METTL8: variants seen among roughly 807,000 people sequenced by gnomAD.
METTL8 encodes the protein methyltransferase 8, tRNA N3-cytidine.
A neutral mutation model predicts 48.7 loss-of-function variants in METTL8; 32 were observed. The ratio of observed to expected loss-of-function variants is 0.66; its 90% CI spans 0.50 to 0.88. The LOEUF (loss-of-function observed/expected upper bound fraction) is 0.88, where lower values mean the gene tolerates loss of function less well. Ranked by LOEUF, METTL8 falls within the 40% of genes least tolerant of loss-of-function variation. The pLI is 0.00. For synonymous variants in METTL8, 136 were observed against 157.1 expected (o/e 0.87, Z 1.01); for missense variants, 464 against 474.4 (o/e 0.98, Z 0.20).
At chr2:171,377,259 G>A (rs181985056) in intron 2 of METTL8, among the ~76,000 whole-genome samples, 250 of 151,830 alleles carry the variant, frequency 1.6e-3, no homozygotes, top group East Asian at 5.6e-3. Context: ...AGATAACATC[G>A]GAAAAACTCT....
chr2:171,351,136 T>C (rs1391686417), intron 3 of METTL8, among the ~76,000 whole-genome samples: 1 of 152,246 alleles, frequency 6.6e-6, no homozygotes. Context: ...GAATTAATTT[T>C]TGTATAAGGT....
intron 3 of METTL8, among the ~76,000 whole-genome samples, chr2:171,354,329 CTG>C (rs879429705): frequency 2.0e-5 from 3 of 152,218 alleles, no homozygotes; most frequent in Non-Finnish European, 4.4e-5. Flanking sequence ...GAGAGATCCG[CTG>C]TTAGTCTGAT....
At chr2:171,348,440 G>C (rs1157624774) in intron 3 of METTL8, among the ~76,000 whole-genome samples, 3 of 152,168 alleles carry the variant, frequency 2.0e-5, no homozygotes, top group Non-Finnish European at 4.4e-5. Flanking sequence ...AAAACAGGCA[G>C]CAGGCTGGAT....
At chr2:171,360,390 G>A in intron 3 of METTL8, 32 bp downstream of exon 3, 1 of 1,583,656 alleles carries the variant, frequency 6.3e-7, no homozygotes, top group African/African-American at 1.3e-5. Flanking sequence ...CTAAAGCTCT[G>A]GCTCTAGGAG....
chr2:171,343,208 G>A (rs780928735), intron 3 of METTL8, among the ~76,000 whole-genome samples: 4 of 152,158 alleles, frequency 2.6e-5, no homozygotes, highest in Non-Finnish European at 5.9e-5. Context: ...GGGAGGCCAG[G>A]GAGGGCAGAT....
At chr2:171,355,323 T>C (rs1197238253) in intron 3 of METTL8, among the ~76,000 whole-genome samples, 3 of 152,210 alleles carry the variant, frequency 2.0e-5, no homozygotes, top group Non-Finnish European at 4.4e-5. Context: ...TGATCGTTCC[T>C]CTGGAAGCTT....
At position 171,322,748 on chromosome 2, in the gene METTL8, A is replaced by G. The variant is rs1684593303; in HGVS notation, c.*1424T>C. On this transcript the variant is annotated 3_prime_UTR_variant, in exon 10 of 10. Transcript: ENST00000375258. ...GCCAGAGCAAGACTCCATCTCAAAA[A>G]AAAAAAAAAAAAAAAAGTAAAACAT... 6.8e-6 allele frequency: 1 copy of G among 147,368 alleles called. No individual in the cohort carries two copies. Among genetic ancestry groups the G allele is most frequent in the Non-Finnish European group, 1.5e-5 (1 of 66,690 alleles). The allele number at this position is 147,368 out of a possible 1,614,324, so 9.1% of individuals were successfully genotyped here.
chr2:171,414,278 G>T (rs1691055531), intron 1 of METTL8, among the ~76,000 whole-genome samples: 2 of 152,100 alleles, frequency 1.3e-5, no homozygotes, highest in South Asian at 4.1e-4. Flanking sequence ...TTAGCTGGGT[G>T]TGGTGGTACA....
chr2:171,340,791 G>A (rs1385048977), intron 3 of METTL8, among the ~76,000 whole-genome samples: 1 of 152,086 alleles, frequency 6.6e-6, no homozygotes, highest in Admixed American at 6.6e-5. Flanking sequence ...CCATCACAGT[G>A]AATCCATGGC....
At chr2:171,338,196 A>G (rs1448365232) in intron 4 of METTL8, among the ~76,000 whole-genome samples, 2 of 152,248 alleles carry the variant, frequency 1.3e-5, no homozygotes, top group Non-Finnish European at 2.9e-5. Flanking sequence ...GTGAAAATAG[A>G]TAAGTAAAAT....
chr2:171,336,911 C>T (rs1030629390), intron 5 of METTL8, among the ~76,000 whole-genome samples: 3 of 134,460 alleles, frequency 2.2e-5, no homozygotes, highest in African/African-American at 8.6e-5. Context: ...CACTTGTTGC[C>T]TAGACTGGAG....
At chr2:171,408,005 TGA>T (rs1450879202) in intron 1 of METTL8, among the ~76,000 whole-genome samples, 3 of 152,232 alleles carry the variant, frequency 2.0e-5, no homozygotes, top group African/African-American at 7.2e-5. Flanking sequence ...TTCTTTATAA[TGA>T]GAGTTGCAAT....
intron 2 of METTL8, among the ~76,000 whole-genome samples, chr2:171,391,709 A>C (rs1688595663): frequency 1.3e-5 from 2 of 152,164 alleles, no homozygotes; most frequent in African/African-American, 2.4e-5. Flanking sequence ...AGAGGGAAGG[A>C]ACTGTGGAGC....
chr2:171,398,399 A>G (rs963759852), intron 1 of METTL8, among the ~76,000 whole-genome samples: 1 of 152,204 alleles, frequency 6.6e-6, no homozygotes, highest in Non-Finnish European at 1.5e-5. Context: ...GAAATAAGCT[A>G]GTCATAAAAG....
At chr2:171,403,240 C>A (rs1370270388) in intron 1 of METTL8, among the ~76,000 whole-genome samples, 1 of 152,094 alleles carries the variant, frequency 6.6e-6, no homozygotes, top group African/African-American at 2.4e-5. Flanking sequence ...GCCAGGTGAT[C>A]AAGGTTAACA....
intron 1 of METTL8, among the ~76,000 whole-genome samples, chr2:171,400,359 A>T (rs2105590452): frequency 6.6e-6 from 1 of 152,288 alleles, no homozygotes; most frequent in East Asian, 1.9e-4. Flanking sequence ...TGTACACCAC[A>T]TATACAAGAA....
At chr2:171,409,465 T>C (rs1165648115) in intron 1 of METTL8, among the ~76,000 whole-genome samples, 2 of 152,028 alleles carry the variant, frequency 1.3e-5, no homozygotes, top group Admixed American at 6.6e-5. Context: ...ACTGAGGCAG[T>C]CAGTTAGGAC....
chr2:171,371,751 C>A (rs1686366845), intron 2 of METTL8, among the ~76,000 whole-genome samples: 5 of 152,038 alleles, frequency 3.3e-5, no homozygotes, highest in Admixed American at 2.0e-4. Context: ...TCGGCCTCAG[C>A]CTCCTGAGTA....
At position 171,348,197 on chromosome 2, in the gene METTL8, G is replaced by A. The variant is rs181767161; in HGVS notation, c.236-8643C>T. Among the ~76,000 whole-genome samples the A allele has an allele frequency of 5.9e-3, 896 of 152,296 alleles. 5 individuals carry two copies. Among genetic ancestry groups the A allele is most frequent in the Non-Finnish European group, 7.8e-3 (533 of 68,024 alleles). On this transcript the variant is annotated intron_variant, in intron 3 of 9. Transcript: ENST00000375258. ...TTATACTTGGTTTACACAGAGGAATGCTAACATCTTTCCCTGGGGAGTTCC... is the reference window on the plus strand; with the variant it reads ...TTATACTTGGTTTACACAGAGGAATACTAACATCTTTCCCTGGGGAGTTCC...
Sources: gnomAD v4.1 joint callset for allele counts (sites outside exome capture counted in the v4.1 genomes callset) on GRCh38, gnomAD v4.1.1 for gene constraint, MANE v1.5 for transcripts, NCBI Gene and HGNC (gene_info 2026-07-23, HGNC 2026-07-21) for gene names.